The following NAALADL2 variants were observed in gnomAD, a reference collection of about 807,000 sequenced individuals.
NAALADL2 encodes the protein inactive N-acetylated-alpha-linked acidic dipeptidase-like protein 2.
In NAALADL2, 76 loss-of-function variants were observed where a neutral mutation model predicts 87.2. That is an observed-to-expected ratio of 0.87 (90% CI 0.72 to 1.05). The LOEUF (loss-of-function observed/expected upper bound fraction) is 1.05, where lower values mean the gene tolerates loss of function less well. Ranked by LOEUF, NAALADL2 falls within the 50% of genes least tolerant of loss-of-function variation. The pLI, the probability that NAALADL2 is intolerant of heterozygous loss-of-function variation, is 0.00. For synonymous variants in NAALADL2, 354 were observed against 331.0 expected (o/e 1.07, Z -0.75); for missense variants, 1,089 against 945.8 (o/e 1.15, Z -1.99).
intron 3 of NAALADL2, among the ~76,000 whole-genome samples, chr3:174,808,917 T>C (rs16864747): frequency 1.3e-5 from 2 of 151,854 alleles, no homozygotes; most frequent in Non-Finnish European, 2.9e-5. Context: ...ATCCAGACTT[T>C]GAAATCTTCA....
At chr3:174,571,258 A>G (rs1714882083) in intron 2 of NAALADL2, among the ~76,000 whole-genome samples, 2 of 152,288 alleles carry the variant, frequency 1.3e-5, no homozygotes, top group South Asian at 2.1e-4. Flanking sequence ...GGGGTAAACT[A>G]AAAAACAGAA....
At chr3:174,613,513 C>T (rs1169219518) in intron 2 of NAALADL2, among the ~76,000 whole-genome samples, 2 of 152,214 alleles carry the variant, frequency 1.3e-5, no homozygotes, top group East Asian at 3.9e-4. Context: ...ATCCTTTCCA[C>T]TCTTTCCTCT....
chr3:175,631,953 G>A (rs974028141), intron 11 of NAALADL2, among the ~76,000 whole-genome samples: 11 of 151,812 alleles, frequency 7.2e-5, no homozygotes, highest in African/African-American at 2.4e-4. Context: ...ATACCAAAAT[G>A]GTTACTACAC....
At chr3:174,921,866 G>C (rs147217452) in intron 1 of NAALADL2, among the ~76,000 whole-genome samples, 16 of 149,348 alleles carry the variant, frequency 1.1e-4, no homozygotes, top group South Asian at 2.1e-4. Context: ...TATTTTAAAG[G>C]TGCAAAATCC....
At chr3:174,706,810 T>C (rs1730114159) in intron 2 of NAALADL2, among the ~76,000 whole-genome samples, 1 of 152,320 alleles carries the variant, frequency 6.6e-6, no homozygotes, top group African/African-American at 2.4e-5. Flanking sequence ...AATTAATTTT[T>C]GTATAAGGTG....
At chr3:175,440,979 G>T (rs1560555280) in intron 5 of NAALADL2, among the ~76,000 whole-genome samples, 1 of 152,156 alleles carries the variant, frequency 6.6e-6, no homozygotes, top group African/African-American at 2.4e-5. Flanking sequence ...CATTTTGAAG[G>T]AGACTGAGAA....
chr3:175,034,207 A>G (rs9875913), intron 1 of NAALADL2, among the ~76,000 whole-genome samples: 4,081 of 152,246 alleles, frequency 0.027, 188 homozygotes, highest in African/African-American at 0.093. Flanking sequence ...TTGGCTATTG[A>G]AAGGATGACC....
chr3:175,793,014 A>G (rs1376920535), intron 13 of NAALADL2, among the ~76,000 whole-genome samples: 2 of 152,238 alleles, frequency 1.3e-5, no homozygotes, highest in Non-Finnish European at 2.9e-5. Flanking sequence ...TCTCAAATGT[A>G]CGTGCCAACA....
chr3:175,449,971 A>C (rs1303115119), intron 6 of NAALADL2, among the ~76,000 whole-genome samples: 1 of 152,190 alleles, frequency 6.6e-6, no homozygotes, highest in Non-Finnish European at 1.5e-5. Context: ...TGTTATAATG[A>C]GTTATTTATT....
intron 10 of NAALADL2, among the ~76,000 whole-genome samples, chr3:175,592,307 C>CT (rs758914649): frequency 0.039 from 1,683 of 43,192 alleles, 22 homozygotes; most frequent in Non-Finnish European, 0.068. Context: ...TTTTTCTTTT[C>CT]TTTTTTTTTT....
chr3:174,859,369 C>G lies in NAALADL2; in HGVS notation c.-39C>G. The stretch of plus-strand genomic sequence containing the variant: ...AAAGCTTGCAGGGTAAGTGACACAA[C>G]TTGAAACTGCTTGGCCCTCTTTAAA... On this transcript the variant is annotated 5_prime_UTR_variant, in exon 1 of 14. Transcript: ENST00000454872. The G allele has an allele frequency of 6.5e-7, 1 of 1,549,136 alleles. No individual in the cohort carries two copies.
intron 1 of NAALADL2, among the ~76,000 whole-genome samples, chr3:174,987,680 G>A (rs189547002): frequency 6.8e-6 from 1 of 146,432 alleles, no homozygotes; most frequent in Non-Finnish European, 1.5e-5. Flanking sequence ...AGTCTGGAGT[G>A]TAGTGACGTG....
At chr3:174,889,135 T>A (rs1730563278) in intron 1 of NAALADL2, among the ~76,000 whole-genome samples, 1 of 152,138 alleles carries the variant, frequency 6.6e-6, no homozygotes, top group Admixed American at 6.6e-5. Context: ...TATTTTCCCT[T>A]TGCCTAAGCC....
At chr3:175,215,858 T>C (rs1742436732) in intron 2 of NAALADL2, among the ~76,000 whole-genome samples, 1 of 152,136 alleles carries the variant, frequency 6.6e-6, no homozygotes, top group Non-Finnish European at 1.5e-5. Flanking sequence ...TAAGACTGAA[T>C]GGATGGGTCT....
chr3:175,546,760 G>T (rs1713407937), intron 9 of NAALADL2, among the ~76,000 whole-genome samples: 1 of 151,986 alleles, frequency 6.6e-6, no homozygotes, highest in Admixed American at 6.6e-5. Flanking sequence ...GCTTCCCTTT[G>T]TAGATGACCT....
chr3:174,625,775 A>G (rs1414547123), intron 2 of NAALADL2, among the ~76,000 whole-genome samples: 2 of 152,028 alleles, frequency 1.3e-5, no homozygotes, highest in East Asian at 3.9e-4. Context: ...AATGTTTACA[A>G]TATGTTATGT....
At chr3:175,190,957 A>G (rs6776087) in intron 2 of NAALADL2, among the ~76,000 whole-genome samples, 4,191 of 150,198 alleles carry the variant, frequency 0.028, 190 homozygotes, top group African/African-American at 0.096. Flanking sequence ...CAGCCTGGGC[A>G]ACAGACAGAG....
At chr3:175,009,435 A>G (rs1320886639) in intron 1 of NAALADL2, among the ~76,000 whole-genome samples, 1 of 152,208 alleles carries the variant, frequency 6.6e-6, no homozygotes, top group Non-Finnish European at 1.5e-5. Flanking sequence ...TTTCTAATCC[A>G]AAGAAGTAAA....
At chr3:175,657,766 A>G (rs1044413108) in intron 11 of NAALADL2, among the ~76,000 whole-genome samples, 2 of 151,858 alleles carry the variant, frequency 1.3e-5, no homozygotes, top group Non-Finnish European at 2.9e-5. Context: ...TATTTTTAGT[A>G]GAGATGGGGT....
Sources: allele counts gnomAD v4.1 joint callset (sites outside exome capture counted in the v4.1 genomes callset), GRCh38; gene constraint gnomAD v4.1.1; transcripts MANE v1.5; gene names NCBI Gene and HGNC (gene_info 2026-07-23, HGNC 2026-07-21).